Variants in TRIM5 observed in about 807,000 individuals in gnomAD.
TRIM5 encodes the protein tripartite motif containing 5, also known as tripartite motif-containing protein 5.
Under a neutral mutation model 35.6 loss-of-function variants are expected in TRIM5, and 31 were observed. That is an observed-to-expected ratio of 0.87 (90% CI 0.65 to 1.18). The LOEUF is 1.18. Among genes scored for constraint, TRIM5 ranks in the 50% most tolerant of loss-of-function variants. The pLI, the probability that TRIM5 is intolerant of heterozygous loss-of-function variation, is 0.00. For missense variants in TRIM5, 609 were observed against 591.6 expected, an observed-to-expected ratio of 1.03 and a Z score of -0.31; for synonymous variants, 243 against 215.6, an observed-to-expected ratio of 1.13 and a Z score of -1.11.
chr11:5,632,558 A>G, the TRIM5 span: 1 of 1,613,982 alleles, frequency 6.2e-7, no homozygotes, highest in East Asian at 2.2e-5. Flanking sequence ...CATCTGGCCA[A>G]CATAGTGGAG....
At position 5,679,761 on chromosome 11, in the gene TRIM5, T is replaced by C; in HGVS notation, c.417A>G (p.Gln139=). 6 of 1,580,878 alleles carry C rather than the reference T, an allele frequency of 3.8e-6. No homozygotes were observed. Among genetic ancestry groups the C allele is most frequent in the Non-Finnish European group, 5.2e-6 (6 of 1,161,352 alleles). Residue 139 remains glutamine (Q), a splice_region_variant and synonymous_variant, in exon 2 of 8, where the codon CAA becomes CAG. Transcript: ENST00000380034. ...FLTEEVAREY[Q]VKLQAALEML... is the part of the protein sequence containing the mutation. Reference sequence around the variant, plus strand: ...TCTTCCTTCCATCCCAGTCTCTTACTTGGTACTCCCGGGCAACCTCCTCTG... The same window carrying C: ...TCTTCCTTCCATCCCAGTCTCTTACCTGGTACTCCCGGGCAACCTCCTCTG...
the TRIM5 span, among the ~76,000 whole-genome samples, chr11:5,636,720 C>A: frequency 1.3e-5 from 2 of 152,152 alleles, no homozygotes. Flanking sequence ...ATTGGTAGAT[C>A]AAAAATTATA....
the TRIM5 span, chr11:5,627,001 C>A: frequency 6.6e-6 from 1 of 152,504 alleles, no homozygotes; most frequent in African/African-American, 2.4e-5. Context: ...TGGGTTTGAA[C>A]AGGAGAGTGA....
chr11:5,628,086 G>C, the TRIM5 span, among the ~76,000 whole-genome samples: 1 of 152,322 alleles, frequency 6.6e-6, no homozygotes, highest in East Asian at 1.9e-4. Flanking sequence ...GCCACACTGG[G>C]AAGTGGTGGG....
chr11:5,684,505 C>A (rs931087644), intron 1 of TRIM5, among the ~76,000 whole-genome samples: 8 of 152,228 alleles, frequency 5.3e-5, no homozygotes, highest in African/African-American at 1.9e-4. Flanking sequence ...GTGATGAGAA[C>A]TGACCTGTAG....
At chr11:5,601,683 G>A in the TRIM5 span, among the ~76,000 whole-genome samples, 1 of 152,044 alleles carries the variant, frequency 6.6e-6, no homozygotes, top group South Asian at 2.1e-4. Flanking sequence ...GCTTGAACCC[G>A]GGAGGCAGAG....
chr11:5,657,164 A>T, the TRIM5 span, among the ~76,000 whole-genome samples: 7 of 152,142 alleles, frequency 4.6e-5, no homozygotes, highest in Non-Finnish European at 1.0e-4. Context: ...CTTTGCAGGG[A>T]CATGGATGAA....
the TRIM5 span, among the ~76,000 whole-genome samples, chr11:5,625,624 TTC>T: frequency 6.6e-6 from 1 of 152,166 alleles, no homozygotes; most frequent in Non-Finnish European, 1.5e-5. Context: ...TCCTCACGTA[TTC>T]TTAGTCCTTG....
chr11:5,683,839 A>C (rs1852773043), intron 1 of TRIM5: 1 of 152,340 alleles, frequency 6.6e-6, no homozygotes, highest in Admixed American at 6.5e-5. Flanking sequence ...AGATAAGAGA[A>C]TAAAAGCAGG....
chr11:5,636,376 A>C, the TRIM5 span, among the ~76,000 whole-genome samples: 1 of 152,244 alleles, frequency 6.6e-6, no homozygotes, highest in Admixed American at 6.5e-5. Flanking sequence ...AAGAATAGGA[A>C]GTAATTGCTA....
At chr11:5,595,006 C>G in the TRIM5 span, among the ~76,000 whole-genome samples, 1 of 152,156 alleles carries the variant, frequency 6.6e-6, no homozygotes, top group Admixed American at 6.5e-5. Context: ...GCTTCTTAAG[C>G]CTGCAGACAT....
the TRIM5 span, chr11:5,589,408 G>C: frequency 2.6e-5 from 4 of 152,128 alleles, no homozygotes; most frequent in Admixed American, 2.0e-4. Flanking sequence ...GTCTCAAATA[G>C]ACATGTATTT....
chr11:5,642,852 A>C, the TRIM5 span: 2 of 1,613,840 alleles, frequency 1.2e-6, no homozygotes, highest in Admixed American at 3.3e-5. Flanking sequence ...GGGTAAGAAA[A>C]AGTTAGTCTT....
chr11:5,642,461 G>A, the TRIM5 span: 22 of 1,613,868 alleles, frequency 1.4e-5, no homozygotes, highest in East Asian at 2.5e-4. Flanking sequence ...ACTGAAGACT[G>A]TATTCCATGC....
intron 4 of TRIM5, among the ~76,000 whole-genome samples, chr11:5,671,372 T>C (rs1851581211): frequency 1.3e-5 from 2 of 150,152 alleles, no homozygotes. Flanking sequence ...CCCCAGATGT[T>C]GGAGCTAGAA....
At chr11:5,599,666 G>A in the TRIM5 span, among the ~76,000 whole-genome samples, 1 of 152,118 alleles carries the variant, frequency 6.6e-6, no homozygotes, top group Non-Finnish European at 1.5e-5. Context: ...GCCTCCCAAA[G>A]TGCTGGGATT....
At chr11:5,661,910 T>A (rs1387922139), downstream of TRIM5, among the ~76,000 whole-genome samples, 2 of 152,230 alleles carry the variant, frequency 1.3e-5, no homozygotes, top group African/African-American at 4.8e-5. Context: ...TGTAACTGGG[T>A]ACTTCATCCT....
chr11:5,606,654 A>T, the TRIM5 span, among the ~76,000 whole-genome samples: 1 of 152,038 alleles, frequency 6.6e-6, no homozygotes, highest in African/African-American at 2.4e-5. Context: ...CATCATTGAT[A>T]TTATTACCCT....
chr11:5,660,016 G>A (rs931566153), downstream of TRIM5, among the ~76,000 whole-genome samples: 9 of 151,730 alleles, frequency 5.9e-5, no homozygotes, highest in East Asian at 5.8e-4. Context: ...TCGCTCTGTC[G>A]CCCAGGCTGA....
Sources: allele counts gnomAD v4.1 joint callset (sites outside exome capture counted in the v4.1 genomes callset), GRCh38; gene constraint gnomAD v4.1.1; transcripts MANE v1.5; gene names NCBI Gene and HGNC (gene_info 2026-07-23, HGNC 2026-07-21).